RSRC1: variants seen among roughly 807,000 people sequenced by gnomAD.
RSRC1 encodes the protein arginine and serine rich coiled-coil 1, also known as serine/Arginine-related protein 53.
RSRC1 carries 39 observed loss-of-function variants against 49.1 expected under a neutral mutation model. The ratio of observed to expected loss-of-function variants is 0.79; its 90% CI spans 0.61 to 1.04. The LOEUF is 1.04. RSRC1 is among the 50% of genes least tolerant of loss of function. The pLI is 0.00. For missense variants in RSRC1, 388 were observed against 402.4 expected, an observed-to-expected ratio of 0.96 and a Z score of 0.31; for synonymous variants, 143 against 130.8, an observed-to-expected ratio of 1.09 and a Z score of -0.63.
intron 5 of RSRC1, among the ~76,000 whole-genome samples, chr3:158,313,162 T>C (rs1730039): frequency 0.7 from 105,515 of 151,770 alleles, 37,151 homozygotes; most frequent in East Asian, 0.85. Context: ...AAGCTTTCAC[T>C]GATCCATCCC....
chr3:158,167,391 A>G (rs1159773675), intron 3 of RSRC1, among the ~76,000 whole-genome samples: 1 of 152,120 alleles, frequency 6.6e-6, no homozygotes, highest in Non-Finnish European at 1.5e-5. Context: ...GAGTTTCACC[A>G]TGTTGCCTAG....
intron 5 of RSRC1, among the ~76,000 whole-genome samples, chr3:158,349,996 C>A (rs997499743): frequency 6.6e-6 from 1 of 151,540 alleles, no homozygotes; most frequent in Non-Finnish European, 1.5e-5. Context: ...CGTGCCCAGG[C>A]TGTCACTGAT....
intron 6 of RSRC1, among the ~76,000 whole-genome samples, chr3:158,412,106 T>G (rs1384931252): frequency 6.6e-6 from 1 of 152,162 alleles, no homozygotes; most frequent in Non-Finnish European, 1.5e-5. Context: ...AATACTTAAT[T>G]TCCAATTCGC....
At chr3:158,384,178 A>C (rs1732848981) in intron 6 of RSRC1, among the ~76,000 whole-genome samples, 1 of 152,162 alleles carries the variant, frequency 6.6e-6, no homozygotes. Flanking sequence ...GGGGAATGAC[A>C]TAATGAATCA....
chr3:158,420,872 T>C (rs1199309888), intron 6 of RSRC1, among the ~76,000 whole-genome samples: 2 of 152,050 alleles, frequency 1.3e-5, no homozygotes, highest in South Asian at 4.1e-4. Context: ...CAAGGGTGCC[T>C]GCCCTCATGG....
intron 3 of RSRC1, among the ~76,000 whole-genome samples, chr3:158,196,162 C>G (rs958748932): frequency 1.8e-5 from 2 of 109,622 alleles, no homozygotes; most frequent in African/African-American, 7.3e-5. Flanking sequence ...TTTGTATTCT[C>G]TTTTATTTCG....
At position 158,388,612 on chromosome 3, in the gene RSRC1, G is replaced by GTT. The variant is rs11354237; in HGVS notation, c.583+33719_583+33720dup. Reference sequence around the variant, plus strand: ...GGGAGCCAAATTAGCCGTGTTTTTTGTTTTTTTTTTTTTTTTGAGACTGAG... The same window carrying GTT: ...GGGAGCCAAATTAGCCGTGTTTTTTGTTTTTTTTTTTTTTTTTTGAGACTGAG... On this transcript the variant is annotated intron_variant, in intron 6 of 9. Coordinates refer to ENST00000611884, the MANE Select transcript of RSRC1 (RefSeq NM_001271838.2). 2.0e-3 allele frequency among the ~76,000 whole-genome samples: 281 copies of GTT among 143,988 alleles called. 3 individuals are homozygous for GTT. The highest frequency in any genetic ancestry group is 3.3e-3 in the African/African-American group (128 of 38,342). The allele number at this position is 143,988 out of a possible 152,430, so 94.5% of individuals were successfully genotyped here. A position where few individuals can be genotyped will look rare whatever the true frequency, so the allele number is the denominator to read the frequency against.
chr3:158,439,246 G>T (rs1736238599), intron 6 of RSRC1, among the ~76,000 whole-genome samples: 1 of 152,132 alleles, frequency 6.6e-6, no homozygotes, highest in South Asian at 2.1e-4. Context: ...CATTGTGGAA[G>T]ACAGTGTGGC....
At chr3:158,153,478 G>C (rs551232783) in intron 3 of RSRC1, among the ~76,000 whole-genome samples, 19 of 152,286 alleles carry the variant, frequency 1.2e-4, no homozygotes, top group African/African-American at 4.6e-4. Context: ...TGACAATGTG[G>C]CATGGTATTG....
chr3:158,111,526 AAGAG>A (rs1714406890), intron 1 of RSRC1, among the ~76,000 whole-genome samples: 2 of 152,206 alleles, frequency 1.3e-5, no homozygotes, highest in Admixed American at 6.5e-5. Flanking sequence ...CTTTTTTAAA[AAGAG>A]AGATGCTTGC....
intron 5 of RSRC1, chr3:158,302,739 G>T (rs866863553): frequency 7.5e-6 from 1 of 132,890 alleles, no homozygotes; most frequent in Admixed American, 9.2e-5. Context: ...TTGGCTCACT[G>T]CAGCCTCCAC....
At chr3:158,509,938 A>G (rs1007268071) in intron 7 of RSRC1, among the ~76,000 whole-genome samples, 2 of 152,190 alleles carry the variant, frequency 1.3e-5, no homozygotes, top group African/African-American at 2.4e-5. Context: ...TCCAGGTTGC[A>G]TATATGCCTA....
chr3:158,364,494 T>G (rs1018513872), intron 6 of RSRC1, among the ~76,000 whole-genome samples: 1 of 152,222 alleles, frequency 6.6e-6, no homozygotes, highest in Admixed American at 6.5e-5. Context: ...ACTAACAAAC[T>G]GTGAGCTTGA....
chr3:158,140,520 G>A (rs1031246883), intron 3 of RSRC1, among the ~76,000 whole-genome samples: 7 of 152,120 alleles, frequency 4.6e-5, no homozygotes, highest in Non-Finnish European at 1.0e-4. Context: ...TCTTTCCAGA[G>A]CTCTCTTATT....
chr3:158,512,667 T>A (rs1040411761), intron 7 of RSRC1, among the ~76,000 whole-genome samples: 1 of 150,410 alleles, frequency 6.6e-6, no homozygotes, highest in Non-Finnish European at 1.5e-5. Flanking sequence ...CATTGGTAGC[T>A]TGATGGGGAT....
chr3:158,273,256 T>C (rs183145034), intron 4 of RSRC1, among the ~76,000 whole-genome samples: 28 of 152,216 alleles, frequency 1.8e-4, no homozygotes, highest in African/African-American at 6.7e-4. Context: ...AACTTGCATA[T>C]TCCATTTAGT....
chr3:158,298,000 A>T (rs2108117614), intron 4 of RSRC1, 39 bp from the exon 5 acceptor site: 2 of 1,471,592 alleles, frequency 1.4e-6, no homozygotes, highest in Non-Finnish European at 1.9e-6. Context: ...GCAGACAAGG[A>T]TTTAGCAACT....
intron 7 of RSRC1, among the ~76,000 whole-genome samples, chr3:158,531,195 C>T (rs200478083): frequency 6.6e-6 from 1 of 151,526 alleles, no homozygotes; most frequent in Non-Finnish European, 1.5e-5. Flanking sequence ...ATTTGCAAGG[C>T]AGCATATGCT....
chr3:158,476,642 G>T (rs897927441), intron 7 of RSRC1, among the ~76,000 whole-genome samples: 5 of 152,148 alleles, frequency 3.3e-5, no homozygotes, highest in African/African-American at 1.2e-4. Context: ...AAAGCCCACT[G>T]TTGAGGCATA....
Sources: gnomAD v4.1 joint callset for allele counts (sites outside exome capture counted in the v4.1 genomes callset) on GRCh38, gnomAD v4.1.1 for gene constraint, MANE v1.5 for transcripts, NCBI Gene and HGNC (gene_info 2026-07-23, HGNC 2026-07-21) for gene names.